SAP30BP: variants seen among roughly 807,000 people sequenced by gnomAD.
SAP30BP encodes SAP30-binding protein.
In SAP30BP, 31 loss-of-function variants were observed where a neutral mutation model predicts 46.3. That is an observed-to-expected ratio of 0.67 (90% CI 0.50 to 0.90). The LOEUF (loss-of-function observed/expected upper bound fraction) is 0.90, where lower values mean the gene tolerates loss of function less well. SAP30BP is among the 40% of genes least tolerant of loss of function. The pLI is 0.00. For missense variants in SAP30BP, 312 were observed against 391.0 expected, an observed-to-expected ratio of 0.80 and a Z score of 1.70; for synonymous variants, 169 against 144.2, an observed-to-expected ratio of 1.17 and a Z score of -1.23.
intron 2 of SAP30BP, among the ~76,000 whole-genome samples, chr17:75,670,332 A>G (rs893831569): frequency 6.6e-6 from 1 of 152,154 alleles, no homozygotes; most frequent in Non-Finnish European, 1.5e-5. Context: ...AAAAAAAAAA[A>G]AAATTATTTC....
At chr17:75,673,080 T>C (rs1356377360) in intron 3 of SAP30BP, among the ~76,000 whole-genome samples, 1 of 152,158 alleles carries the variant, frequency 6.6e-6, no homozygotes, top group Non-Finnish European at 1.5e-5. Context: ...CTTGAAAATA[T>C]AGTGTGAGCT....
chr17:75,701,704 T>C (rs926573588), intron 5 of SAP30BP, among the ~76,000 whole-genome samples: 1 of 152,210 alleles, frequency 6.6e-6, no homozygotes, highest in African/African-American at 2.4e-5. Flanking sequence ...TAAAAGGACA[T>C]AGCCCTTCCG....
At chr17:75,701,547 G>T in intron 5 of SAP30BP, among the ~76,000 whole-genome samples, 1 of 152,286 alleles carries the variant, frequency 6.6e-6, no homozygotes, top group East Asian at 1.9e-4. Context: ...AGTGACCTGT[G>T]GGGGAGTTTG....
Position 75,695,731 on chromosome 17 carries a change from A to G in SAP30BP, c.307+2249A>G, listed in dbSNP as rs558723242. Among the ~76,000 whole-genome samples the G allele has an allele frequency of 7.0e-4, 106 of 152,268 alleles. 1 individual carries two copies. Among genetic ancestry groups the G allele is most frequent in the Admixed American group, 1.4e-3 (22 of 15,286 alleles). On this transcript the variant is annotated intron_variant, in intron 4 of 10. Coordinates refer to ENST00000584667, the MANE Select transcript of SAP30BP (RefSeq NM_013260.8). ...CTTACCAGGTATGGGAAGTGTGTCC[A>G]TGCATGTAGACAGCCCCAGCTTTTA...
chr17:75,671,488 C>A (rs2059906990), intron 2 of SAP30BP, among the ~76,000 whole-genome samples: 1 of 152,180 alleles, frequency 6.6e-6, no homozygotes, highest in Non-Finnish European at 1.5e-5. Flanking sequence ...CCTGATCTTA[C>A]TCTTTCCTAA....
At chr17:75,700,846 T>C (rs889286082) in intron 5 of SAP30BP, among the ~76,000 whole-genome samples, 4 of 152,314 alleles carry the variant, frequency 2.6e-5, no homozygotes, top group Middle Eastern at 3.4e-3. Context: ...ACAGTGCCAA[T>C]TGTGCCTCCT....
At chr17:75,674,236 G>A (rs919015826) in intron 3 of SAP30BP, among the ~76,000 whole-genome samples, 2 of 151,934 alleles carry the variant, frequency 1.3e-5, no homozygotes, top group Non-Finnish European at 2.9e-5. Context: ...CTTCCACATA[G>A]CAACATGTAC....
At chr17:75,704,943 G>A in intron 9 of SAP30BP, 129 bp downstream of exon 9, 2 of 748,110 alleles carry the variant, frequency 2.7e-6, no homozygotes, top group South Asian at 2.9e-5. Context: ...GATGCTCTGA[G>A]CCTCTCAGCA....
chr17:75,679,075 G>A (rs904323657), intron 3 of SAP30BP, among the ~76,000 whole-genome samples: 1 of 148,848 alleles, frequency 6.7e-6, no homozygotes, highest in Non-Finnish European at 1.5e-5. Context: ...CTCACTGCAA[G>A]CTCCGCCTCC....
At position 75,686,718 on chromosome 17, in the gene SAP30BP, G is replaced by C. The variant is rs541822830; in HGVS notation, c.265-6722G>C. Among the ~76,000 whole-genome samples the C allele has an allele frequency of 7.2e-5, 11 of 152,186 alleles. No individual in the cohort carries two copies. The South Asian group carries it at 1.0e-3, about 14-fold the overall frequency. ...CCACGGCAGTGGCTCAGTCCTGGCC[G>C]ACAGGATACAACTAAAGGAAATGTG... On this transcript the variant is annotated intron_variant, in intron 3 of 10. Coordinates refer to ENST00000584667, the MANE Select transcript of SAP30BP (RefSeq NM_013260.8).
intron 3 of SAP30BP, among the ~76,000 whole-genome samples, chr17:75,687,255 A>T (rs2060170351): frequency 6.6e-6 from 1 of 152,244 alleles, no homozygotes; most frequent in Admixed American, 6.5e-5. Context: ...TGGAAAAAAT[A>T]AATGAATTAA....
chr17:75,690,653 G>C (rs1256488609), intron 3 of SAP30BP: 1 of 456,406 alleles, frequency 2.2e-6, no homozygotes, highest in East Asian at 6.9e-5. Flanking sequence ...AACTTAGGTT[G>C]TTGTCTTTCT....
chr17:75,703,575 C>T, intron 7 of SAP30BP: 3 of 636,048 alleles, frequency 4.7e-6, no homozygotes, highest in Non-Finnish European at 8.4e-6. Flanking sequence ...GTGCCTGGCC[C>T]CTGACTGGTG....
At chr17:75,678,528 C>T (rs1274008917) in intron 3 of SAP30BP, among the ~76,000 whole-genome samples, 1 of 151,858 alleles carries the variant, frequency 6.6e-6, no homozygotes, top group East Asian at 1.9e-4. Context: ...GATTCAGAAC[C>T]ACAGATCCAG....
At chr17:75,700,059 C>T in intron 5 of SAP30BP, 188 bp downstream of exon 5, 1 of 465,582 alleles carries the variant, frequency 2.1e-6, no homozygotes, top group Non-Finnish European at 3.9e-6. Flanking sequence ...GAGTTGGCTC[C>T]TACACCCACC....
intron 3 of SAP30BP, among the ~76,000 whole-genome samples, chr17:75,685,854 G>T (rs1430281600): frequency 6.6e-6 from 1 of 152,128 alleles, no homozygotes; most frequent in Non-Finnish European, 1.5e-5. Context: ...ACCCGTTCCT[G>T]ACACTCTGGG....
chr17:75,681,170 T>C (rs1274866095), intron 3 of SAP30BP, among the ~76,000 whole-genome samples: 1 of 152,238 alleles, frequency 6.6e-6, no homozygotes, highest in Non-Finnish European at 1.5e-5. Context: ...GTATGTGACA[T>C]GTGGAGTAAG....
At chr17:75,685,697 G>C (rs1409751217) in intron 3 of SAP30BP, among the ~76,000 whole-genome samples, 3 of 152,044 alleles carry the variant, frequency 2.0e-5, no homozygotes, top group Non-Finnish European at 4.4e-5. Context: ...CTGTCTCCAG[G>C]CTCCCCCCAA....
intron 3 of SAP30BP, chr17:75,679,333 C>CGG (rs2060041674): frequency 1.3e-5 from 2 of 152,130 alleles, no homozygotes; most frequent in Admixed American, 6.5e-5. Context: ...TCATCAACAT[C>CGG]ATAAAATCTG....
Sources: allele counts gnomAD v4.1 joint callset (sites outside exome capture counted in the v4.1 genomes callset), GRCh38; gene constraint gnomAD v4.1.1; transcripts MANE v1.5; gene names NCBI Gene and HGNC (gene_info 2026-07-23, HGNC 2026-07-21).